GRK5: variants seen among roughly 807,000 people sequenced by gnomAD.
The protein encoded by GRK5 is g protein-coupled receptor kinase GRK5.
In GRK5, 40 loss-of-function variants were observed where a neutral mutation model predicts 78.4. The ratio of observed to expected loss-of-function variants is 0.51; its 90% CI spans 0.40 to 0.66. The LOEUF (loss-of-function observed/expected upper bound fraction) is 0.66, where lower values mean the gene tolerates loss of function less well. Ranked by LOEUF, GRK5 falls within the 30% of genes least tolerant of loss-of-function variation. The probability of loss-of-function intolerance (pLI) is 0.00; values close to 1 mark genes in which losing one functional copy is unlikely to be tolerated. For missense variants in GRK5, 598 were observed against 759.9 expected (o/e 0.79, Z 2.50); for synonymous variants, 289 against 296.8 (o/e 0.97, Z 0.27).
chr10:119,339,516 C>T (rs1367938684), intron 2 of GRK5, among the ~76,000 whole-genome samples: 2 of 152,136 alleles, frequency 1.3e-5, no homozygotes, highest in Non-Finnish European at 2.9e-5. Context: ...AGAGCTAGTA[C>T]CCGAAAGGCA....
At chr10:119,290,633 C>T (rs1018526619) in intron 1 of GRK5, among the ~76,000 whole-genome samples, 50 of 151,914 alleles carry the variant, frequency 3.3e-4, no homozygotes, top group African/African-American at 1.2e-3. Context: ...ACTCACACAG[C>T]CCTTGGAAAC....
At position 119,431,611 on chromosome 10, in the gene GRK5, A is replaced by C; in HGVS notation, c.738+84A>C. ...CCCTCCGGAAGGGCGTGGTCCTCTA[A>C]TGCGGCCGGTCCCCACCCCTGGGAA... On this transcript the variant is annotated intron_variant, in intron 8 of 15. Coordinates refer to ENST00000392870, the MANE Select transcript of GRK5 (RefSeq NM_005308.3). The surrounding 1 kb of genome is among the most constrained non-coding windows in gnomAD (Gnocchi z 4.8). The C allele has an allele frequency of 6.7e-7, 1 of 1,496,462 alleles. No homozygotes were observed. Among genetic ancestry groups the C allele is most frequent in the Non-Finnish European group, 9.0e-7 (1 of 1,107,910 alleles). The allele number at this position is 1,496,462 out of a possible 1,614,324, so 92.7% of individuals were successfully genotyped here. A position where few individuals can be genotyped will look rare whatever the true frequency, so the allele number is the denominator to read the frequency against.
chr10:119,328,742 A>G (rs1850719973), intron 2 of GRK5, among the ~76,000 whole-genome samples: 1 of 152,220 alleles, frequency 6.6e-6, no homozygotes, highest in African/African-American at 2.4e-5. Flanking sequence ...CAAGGGGAGC[A>G]ATGTGAGAAG....
At chr10:119,244,282 C>T (rs1849071981) in intron 1 of GRK5, among the ~76,000 whole-genome samples, 1 of 152,232 alleles carries the variant, frequency 6.6e-6, no homozygotes, top group Admixed American at 6.5e-5. Context: ...TTCTAATAGA[C>T]CATAAGACAC....
intron 1 of GRK5, among the ~76,000 whole-genome samples, chr10:119,255,979 A>C (rs1849277007): frequency 2.0e-5 from 3 of 152,156 alleles, no homozygotes; most frequent in African/African-American, 7.2e-5. Context: ...CACTTTGCTG[A>C]ACTTCCATTT....
intron 1 of GRK5, among the ~76,000 whole-genome samples, chr10:119,269,746 T>C (rs1673185260): frequency 6.6e-6 from 1 of 150,884 alleles, no homozygotes; most frequent in Admixed American, 6.6e-5. Context: ...GGCAGGAGAA[T>C]TGCTTGAACC....
chr10:119,328,171 C>T (rs1292173988), intron 2 of GRK5, among the ~76,000 whole-genome samples: 3 of 152,240 alleles, frequency 2.0e-5, no homozygotes, highest in African/African-American at 7.2e-5. Context: ...TTCCCACAGA[C>T]ACCACGGTGC....
In GRK5 at chr10:119,430,128, G is replaced by A. The variant is rs59889013; in HGVS notation, c.534-247G>A. Among the ~76,000 whole-genome samples, 2,119 of 152,286 alleles carry A rather than the reference G, an allele frequency of 0.014. 76 individuals are homozygous for A. The highest frequency in any genetic ancestry group is 0.097 in the East Asian group (501 of 5,164). On this transcript the variant is annotated intron_variant, in intron 6 of 15. Coordinates refer to ENST00000392870, the MANE Select transcript of GRK5 (RefSeq NM_005308.3). This position sits in a 1 kb window ranked among gnomAD's most constrained non-coding sequence, Gnocchi z 4.5. ...TTTTCAAGCTTTCTGAGCAAGCGAG[G>A]CTTGTGCATCCCCCAGCTTGCAGGG...
In GRK5 at chr10:119,305,642, C is replaced by T. The variant is rs147292907; in HGVS notation, c.53-20874C>T. 1.8e-3 allele frequency among the ~76,000 whole-genome samples: 279 copies of T among 152,050 alleles called. 1 individual carries two copies. In the Middle Eastern group the frequency reaches 0.02, roughly 11 times the overall value. ...AGACCCTAAGACCTGAGGACTTGGC[C>T]GGGTGAAGTAGGGGCAGCAATAAAG... On this transcript the variant is annotated intron_variant, in intron 1 of 15. Transcript: ENST00000392870.
At chr10:119,392,200 G>A (rs1457222188) in intron 3 of GRK5, among the ~76,000 whole-genome samples, 1 of 152,230 alleles carries the variant, frequency 6.6e-6, no homozygotes, top group Non-Finnish European at 1.5e-5. Context: ...TCCACTCTTT[G>A]GAAGGCACAG....
In GRK5 at chr10:119,436,798, C is replaced by T; in HGVS notation, c.886C>T (p.Leu296Phe). 2.5e-6 allele frequency: 4 copies of T among 1,613,422 alleles called. No homozygotes were observed. The highest frequency in any genetic ancestry group is 3.4e-6 in the Non-Finnish European group (4 of 1,179,554). The change falls in exon 9 of 16, where the codon CTC (leucine) becomes TTC (phenylalanine). Residue 296 changes from leucine (L) to phenylalanine (F), a missense_variant. By Grantham distance (22) the Leu-to-Phe change is conservative. Coordinates refer to ENST00000392870, the MANE Select transcript of GRK5 (RefSeq NM_005308.3). The stretch of plus-strand genomic sequence containing the variant: ...GGCCTTGTTTTATGCGGCAGAGATC[C>T]TCTGCGGCTTAGAAGACCTCCACCG... ...ERALFYAAEI[L>F]CGLEDLHREN... is the part of the protein sequence containing the mutation.
At chr10:119,328,848 G>T (rs950036001) in intron 2 of GRK5, among the ~76,000 whole-genome samples, 2 of 152,242 alleles carry the variant, frequency 1.3e-5, no homozygotes, top group African/African-American at 4.8e-5. Flanking sequence ...GTGCTATGGG[G>T]CACAGCCAGA....
intron 4 of GRK5, among the ~76,000 whole-genome samples, chr10:119,406,881 G>T (rs1321188508): frequency 2.0e-5 from 3 of 152,254 alleles, no homozygotes; most frequent in African/African-American, 7.2e-5. Context: ...GTGTGCTCAT[G>T]AGCTGTCTTG....
intron 2 of GRK5, among the ~76,000 whole-genome samples, chr10:119,359,748 G>A (rs1041379404): frequency 7.2e-5 from 11 of 152,296 alleles, no homozygotes; most frequent in East Asian, 1.9e-4. Context: ...GCAGGTGTTC[G>A]GGGGAATGTG....
At chr10:119,214,323 T>C (rs1848535239) in intron 1 of GRK5, among the ~76,000 whole-genome samples, 1 of 152,128 alleles carries the variant, frequency 6.6e-6, no homozygotes, top group Non-Finnish European at 1.5e-5. Context: ...AGAACTGGAT[T>C]TTTTTCCCCG....
At chr10:119,222,810 G>A (rs1674722580) in intron 1 of GRK5, among the ~76,000 whole-genome samples, 1 of 152,222 alleles carries the variant, frequency 6.6e-6, no homozygotes, top group South Asian at 2.1e-4. Flanking sequence ...GAGTGTGGGA[G>A]GGAGCTCCTC....
At position 119,212,434 on chromosome 10, in the gene GRK5, T is replaced by G. The variant is rs561675216; in HGVS notation, c.52+4465T>G. ...AAATTATGTCTTCAGAAGCTATAAC[T>G]CTTATAGTGGCTTGCTAAATGATAC... is the stretch of plus-strand genomic sequence containing the variant. On this transcript the variant is annotated intron_variant, in intron 1 of 15. Transcript: ENST00000392870. 9.8e-5 allele frequency among the ~76,000 whole-genome samples: 15 copies of G among 152,326 alleles called. No homozygotes were observed. The East Asian group carries it at 2.9e-3, about 29-fold the overall frequency.
At chr10:119,394,294 C>CCGTGTATCTATGTGTGGG (rs1564916955) in intron 3 of GRK5, among the ~76,000 whole-genome samples, 22 of 4,028 alleles carry the variant, frequency 5.5e-3, no homozygotes, top group African/African-American at 0.023. Context: ...GGGTGTGTAT[C>CCGTGTATCTATGTGTGGG]TGTGTGTCTG....
intron 2 of GRK5, among the ~76,000 whole-genome samples, chr10:119,365,519 G>A (rs931648526): frequency 6.6e-6 from 1 of 152,208 alleles, no homozygotes; most frequent in Non-Finnish European, 1.5e-5. Flanking sequence ...ATAAGGGTCT[G>A]TATGCCAGGC....
Sources: gnomAD v4.1 joint callset for allele counts (sites outside exome capture counted in the v4.1 genomes callset) on GRCh38, gnomAD v4.1.1 for gene constraint, Gnocchi (gnomAD v3.1) non-coding constraint, MANE v1.5 for transcripts, NCBI Gene and HGNC (gene_info 2026-07-23, HGNC 2026-07-21) for gene names.